The following MKLN1 variants were observed in gnomAD, a reference collection of about 807,000 sequenced individuals.
MKLN1 encodes the protein muskelin 1.
In MKLN1, 18 loss-of-function variants were observed where a neutral mutation model predicts 99.0. The ratio of observed to expected loss-of-function variants is 0.18; its 90% CI spans 0.13 to 0.27. The LOEUF (loss-of-function observed/expected upper bound fraction) is 0.27, where lower values mean the gene tolerates loss of function less well. Among genes scored for constraint, MKLN1 ranks in the 10% least tolerant of loss-of-function variants. MKLN1 has a pLI of 1.00. For missense variants in MKLN1, 621 were observed against 875.9 expected, an observed-to-expected ratio of 0.71 and a Z score of 3.67; for synonymous variants, 288 against 293.2, an observed-to-expected ratio of 0.98 and a Z score of 0.18.
chr7:131,240,859 T>C (rs1452838887), intron 3 of MKLN1, among the ~76,000 whole-genome samples: 1 of 152,142 alleles, frequency 6.6e-6, no homozygotes, highest in Non-Finnish European at 1.5e-5. Context: ...GATTCAAAAA[T>C]AGACACAGAA....
chr7:131,120,269 T>C (rs1230002388), intron 1 of MKLN1, among the ~76,000 whole-genome samples: 1 of 151,298 alleles, frequency 6.6e-6, no homozygotes, highest in African/African-American at 2.4e-5. Context: ...CTCACACCTG[T>C]AATCCCAGCA....
At chr7:131,414,968 T>C (rs1490500918) in intron 8 of MKLN1, among the ~76,000 whole-genome samples, 1 of 152,098 alleles carries the variant, frequency 6.6e-6, no homozygotes, top group East Asian at 1.9e-4. Flanking sequence ...TAGAGTAATA[T>C]GGGAATTACT....
At position 131,437,882 on chromosome 7, in the gene MKLN1, A is replaced by G; in HGVS notation, c.1058A>G (p.Asn353Ser). The change falls in exon 10 of 18, where the codon AAC becomes AGC. Residue 353 changes from asparagine (N) to serine (S), a missense_variant. This residue lies in a region of MKLN1 where 361 missense variants were observed against 540.8 expected (regional missense o/e 0.67). Coordinates refer to ENST00000352689, the MANE Select transcript of MKLN1 (RefSeq NM_013255.5). ...LGRYLDSSVR[N>S]SKSLKSDFYR... ...CGTTACTTGGATTCCTCTGTGAGGAACAGCAAATCTCTGAAAAGTGACTTC... is the reference window on the plus strand; with the variant it reads ...CGTTACTTGGATTCCTCTGTGAGGAGCAGCAAATCTCTGAAAAGTGACTTC... 6.2e-7 allele frequency: 1 copy of G among 1,613,902 alleles called. No homozygotes were observed. Among genetic ancestry groups the G allele is most frequent in the South Asian group, 1.1e-5 (1 of 91,072 alleles).
At chr7:131,135,563 A>G (rs562712788) in intron 1 of MKLN1, among the ~76,000 whole-genome samples, 2 of 152,342 alleles carry the variant, frequency 1.3e-5, no homozygotes, top group Admixed American at 1.3e-4. Context: ...GCCCAGCCAA[A>G]GAGACTGCGA....
chr7:131,392,674 G>A (rs1056390404), intron 4 of MKLN1, among the ~76,000 whole-genome samples: 4 of 148,712 alleles, frequency 2.7e-5, no homozygotes, highest in African/African-American at 7.5e-5. Context: ...GCACAATCTC[G>A]GCTCACCACA....
rs190808091 is a variant in MKLN1 at position 131,458,903 on chromosome 7, G to C, written c.1526-4314G>C. Among the ~76,000 whole-genome samples the C allele has an allele frequency of 1.9e-4, 29 of 152,242 alleles. 1 individual carries two copies. In the East Asian group the frequency reaches 5.6e-3, roughly 29 times the overall value. On this transcript the variant is annotated intron_variant, in intron 12 of 17. Coordinates refer to ENST00000352689, the MANE Select transcript of MKLN1 (RefSeq NM_013255.5). ...GATAAGTTGTAGGGCCAAAAGAGTT[G>C]TGATACTTTTCCTCAACCCTTTTAA...
chr7:131,328,989 A>C (rs1798983078), intron 1 of MKLN1, among the ~76,000 whole-genome samples: 1 of 152,244 alleles, frequency 6.6e-6, no homozygotes, highest in South Asian at 2.1e-4. Context: ...ATCTGTGCAG[A>C]TCCTGAAGAA....
intron 3 of MKLN1, among the ~76,000 whole-genome samples, chr7:131,278,897 C>T (rs1798011646): frequency 6.6e-6 from 1 of 152,296 alleles, no homozygotes; most frequent in East Asian, 1.9e-4. Context: ...TTGTGCCTGG[C>T]CTATGAGGTA....
chr7:131,115,011 T>G (rs1795253727), intron 1 of MKLN1, among the ~76,000 whole-genome samples: 1 of 151,988 alleles, frequency 6.6e-6, no homozygotes, highest in Admixed American at 6.5e-5. Context: ...CATTGTTGTG[T>G]TCGGCAAGAA....
chr7:131,375,712 C>A (rs1465467851), intron 2 of MKLN1, among the ~76,000 whole-genome samples: 2 of 152,004 alleles, frequency 1.3e-5, no homozygotes, highest in Non-Finnish European at 2.9e-5. Context: ...TGGACTTTTA[C>A]TTCTGTCTAC....
At chr7:131,453,155 T>C (rs1380775812) in intron 12 of MKLN1, among the ~76,000 whole-genome samples, 1 of 152,208 alleles carries the variant, frequency 6.6e-6, no homozygotes, top group East Asian at 1.9e-4. Flanking sequence ...ACAAGAGTAT[T>C]TTATATTTTT....
At chr7:131,444,575 A>G (rs577573671) in intron 11 of MKLN1, among the ~76,000 whole-genome samples, 1 of 151,976 alleles carries the variant, frequency 6.6e-6, no homozygotes, top group African/African-American at 2.4e-5. Flanking sequence ...TCTATTTTGT[A>G]ACTTTATATC....
At chr7:131,161,761 G>A (rs1447958039) in intron 2 of MKLN1, among the ~76,000 whole-genome samples, 5 of 151,340 alleles carry the variant, frequency 3.3e-5, no homozygotes, top group Non-Finnish European at 5.9e-5. Context: ...CCGTGGTCTC[G>A]ATCTCCTGAC....
At chr7:131,465,963 TTTG>T (rs1796650356) in intron 14 of MKLN1, among the ~76,000 whole-genome samples, 1 of 152,222 alleles carries the variant, frequency 6.6e-6, no homozygotes, top group Non-Finnish European at 1.5e-5. Flanking sequence ...ATCCCCATTA[TTTG>T]TTGTCCTCAG....
intron 1 of MKLN1, among the ~76,000 whole-genome samples, chr7:131,372,710 A>G (rs1467065170): frequency 1.4e-5 from 2 of 147,664 alleles, no homozygotes; most frequent in East Asian, 2.0e-4. Flanking sequence ...TGGATTAGTT[A>G]TATCCCCTAG....
chr7:131,375,960 T>A (rs1793633280), intron 2 of MKLN1, among the ~76,000 whole-genome samples: 1 of 150,382 alleles, frequency 6.6e-6, no homozygotes, highest in Non-Finnish European at 1.5e-5. Flanking sequence ...TTCAGTTATA[T>A]GCGTTCAGCA....
intron 11 of MKLN1, 57 bp from the exon 12 acceptor site, chr7:131,445,715 CTG>C: frequency 7.0e-7 from 1 of 1,430,530 alleles, no homozygotes; most frequent in Non-Finnish European, 9.5e-7. Context: ...AAGGATCATT[CTG>C]AGTTCTTCAT....
At chr7:131,429,621 C>T (rs1396959437) in intron 9 of MKLN1, among the ~76,000 whole-genome samples, 1 of 152,122 alleles carries the variant, frequency 6.6e-6, no homozygotes, top group African/African-American at 2.4e-5. Flanking sequence ...CTCTATCGCC[C>T]AGGCTGGAGT....
chr7:131,286,054 G>A (rs189548202), intron 3 of MKLN1, among the ~76,000 whole-genome samples: 4 of 151,692 alleles, frequency 2.6e-5, no homozygotes, highest in African/African-American at 7.3e-5. Flanking sequence ...GGGTTCAAGC[G>A]ATTCTCGTGC....
Sources: gnomAD v4.1 joint callset for allele counts (sites outside exome capture counted in the v4.1 genomes callset) on GRCh38, gnomAD v4.1.1 for gene constraint, gnomAD v4.1.1 regional missense constraint, MANE v1.5 for transcripts, NCBI Gene and HGNC (gene_info 2026-07-23, HGNC 2026-07-21) for gene names.